Variants in FRMPD4 observed in about 807,000 individuals in gnomAD.
FRMPD4 encodes the protein FERM and PDZ domain-containing protein 4.
A neutral mutation model predicts 94.1 loss-of-function variants in FRMPD4; 22 were observed. That is an observed-to-expected ratio of 0.23 (90% CI 0.17 to 0.33). The LOEUF is 0.33. Among genes scored for constraint, FRMPD4 ranks in the 10% least tolerant of loss-of-function variants. The pLI is 1.00. For missense variants in FRMPD4, 1,111 were observed against 1,339.9 expected, an observed-to-expected ratio of 0.83 and a Z score of 2.67; for synonymous variants, 631 against 548.6, an observed-to-expected ratio of 1.15 and a Z score of -2.10.
intron 4 of FRMPD4, among the ~76,000 whole-genome samples, chrX:12,648,903 T>A (rs1043978380): frequency 8.9e-6 from 1 of 112,172 alleles, no homozygotes; most frequent in African/African-American, 3.2e-5. Flanking sequence ...CATTTCCTCA[T>A]GTAAAAAGTG....
At chrX:12,304,639 C>T (rs138157332) in intron 1 of FRMPD4, among the ~76,000 whole-genome samples, 2,400 of 107,546 alleles carry the variant, frequency 0.022, 62 homozygotes, top group African/African-American at 0.077. Flanking sequence ...TCCTTATCAA[C>T]AGAGAAAGAG....
chrX:11,852,442 CAAAAAAAAA>C (rs374590200), intron 1 of FRMPD4, among the ~76,000 whole-genome samples: 2 of 52,629 alleles, frequency 3.8e-5, no homozygotes, highest in African/African-American at 1.3e-4. Context: ...ACCCTGTCTC[CAAAAAAAAA>C]AAAAAAAAAA....
At chrX:12,039,025 G>A (rs1395663713) in intron 3 of FRMPD4, among the ~76,000 whole-genome samples, 1 of 108,181 alleles carries the variant, frequency 9.2e-6, no homozygotes, top group African/African-American at 3.4e-5. Context: ...CTCCTAGGCT[G>A]CAGTGCAGTG....
intron 1 of FRMPD4, among the ~76,000 whole-genome samples, chrX:12,416,720 T>G (rs2056805783): frequency 8.9e-6 from 1 of 111,857 alleles, no homozygotes; most frequent in Admixed American, 9.5e-5. Flanking sequence ...GAGAGCTGAT[T>G]TGTTTCCCTT....
At chrX:12,458,014 T>A (rs2057352000) in intron 1 of FRMPD4, among the ~76,000 whole-genome samples, 1 of 111,722 alleles carries the variant, frequency 9.0e-6, no homozygotes, top group South Asian at 3.8e-4. Flanking sequence ...GCCTAGACAA[T>A]TTGTACAATG....
At chrX:12,359,597 G>A (rs970924411) in intron 1 of FRMPD4, among the ~76,000 whole-genome samples, 7 of 109,457 alleles carry the variant, frequency 6.4e-5, no homozygotes, top group Non-Finnish European at 1.3e-4. Flanking sequence ...CCTCCCGAGT[G>A]TAGCTGGGAT....
At chrX:12,496,841 G>A (rs1414580374) in intron 1 of FRMPD4, among the ~76,000 whole-genome samples, 2 of 111,595 alleles carry the variant, frequency 1.8e-5, no homozygotes, top group African/African-American at 6.5e-5. Context: ...TTCCAGTATT[G>A]GCACTTCATT....
intron 2 of FRMPD4, among the ~76,000 whole-genome samples, chrX:12,601,299 G>C (rs1295048707): frequency 3.6e-5 from 4 of 111,958 alleles, no homozygotes; most frequent in Non-Finnish European, 5.6e-5. Context: ...AAGGCAAAAA[G>C]CATGCAATTC....
chrX:11,867,789 A>G (rs747791372), intron 2 of FRMPD4, among the ~76,000 whole-genome samples: 3 of 110,843 alleles, frequency 2.7e-5, no homozygotes, highest in Non-Finnish European at 5.7e-5. Flanking sequence ...CTCATCTCAC[A>G]CCAGTCTTGT....
intron 1 of FRMPD4, among the ~76,000 whole-genome samples, chrX:12,155,054 G>T (rs1163601615): frequency 8.9e-6 from 1 of 112,056 alleles, no homozygotes; most frequent in African/African-American, 3.2e-5. Context: ...TGCTCAAAGT[G>T]GGTCACATGG....
chrX:12,574,343 T>C (rs1056588822), intron 2 of FRMPD4, among the ~76,000 whole-genome samples: 1 of 112,087 alleles, frequency 8.9e-6, no homozygotes, highest in African/African-American at 3.3e-5. Context: ...TAAAATTTTT[T>C]CTCAGTTTTA....
intron 1 of FRMPD4, among the ~76,000 whole-genome samples, chrX:11,848,072 A>C (rs368558113): frequency 1.8e-5 from 2 of 110,763 alleles, no homozygotes; most frequent in Non-Finnish European, 3.8e-5. Context: ...AAAAAGAAAA[A>C]TAATATGATT....
chrX:12,254,297 G>A (rs776774205), intron 1 of FRMPD4, among the ~76,000 whole-genome samples: 24 of 112,455 alleles, frequency 2.1e-4, no homozygotes, highest in Admixed American at 1.2e-3. Flanking sequence ...ACAGACTTGG[G>A]AATAAGACCA....
chrX:11,900,708 A>G (rs971296976), intron 3 of FRMPD4, among the ~76,000 whole-genome samples: 3 of 111,366 alleles, frequency 2.7e-5, no homozygotes, highest in Non-Finnish European at 3.8e-5. Context: ...GCTGCAGCCA[A>G]TGGTAGCCCT....
intron 4 of FRMPD4, among the ~76,000 whole-genome samples, chrX:12,625,208 CT>C (rs1268254483): frequency 3.6e-5 from 4 of 111,403 alleles, no homozygotes; most frequent in Admixed American, 1.9e-4. Flanking sequence ...ATTAGTACAG[CT>C]ACTAGGGAAC....
rs1207066657 is a variant in FRMPD4 at position 12,721,569 on chromosome X, C to T, written c.5000C>T (p.Pro1667Leu). 2 of 752,390 alleles carry T rather than the reference C, an allele frequency of 2.7e-6. No homozygotes were observed. Among genetic ancestry groups the T allele is most frequent in the African/African-American group, 2.3e-5 (1 of 43,109 alleles). 62.0% of individuals were successfully genotyped at this position (752,390 alleles called of 1,213,427 possible). The change falls in exon 17 of 17, where the codon CCG (proline) becomes CTG (leucine). Residue 1667 changes from proline (P) to leucine (L), a missense_variant. This residue lies in a region of FRMPD4 where 551 missense variants were observed against 591.6 expected (regional missense o/e 0.93). Coordinates refer to ENST00000675598, the MANE Select transcript of FRMPD4 (RefSeq NM_001368397.1). ...AAAATGGCGATGGCTGAGAAAAGCC[C>T]GGAGGAGATGCTCCTAGCTATGACT... ...CRKMAMAEKSPEEMLLAMTSS... is the reference protein window; with the variant it reads ...CRKMAMAEKSLEEMLLAMTSS...
rs1456519813 is a variant in FRMPD4 at position 12,704,468 on chromosome X, G to T, written c.1180G>T (p.Val394Leu). 2 of 1,175,055 alleles carry T rather than the reference G, an allele frequency of 1.7e-6. No homozygotes were observed. The highest frequency in any genetic ancestry group is 2.4e-5 in the Admixed American group (1 of 41,708). The change falls in exon 11 of 17, where the codon GTA becomes TTA. Residue 394 changes from valine to leucine, a missense_variant. This residue lies in a region of FRMPD4 where 111 missense variants were observed against 160.7 expected (regional missense o/e 0.69). Transcript: ENST00000675598. Reference protein sequence around the residue: ...SHLVKANQNLVPPGKKLSALQ... With the variant: ...SHLVKANQNLLPPGKKLSALQ... ...CCTTGTCAAAGCAAATCAAAACTTG[G>T]TACCACCGGGTAAAAAGGTATCACA... is the stretch of plus-strand genomic sequence containing the variant.
At chrX:12,478,432 C>T (rs756884068) in intron 1 of FRMPD4, among the ~76,000 whole-genome samples, 1 of 111,694 alleles carries the variant, frequency 9.0e-6, no homozygotes, top group Admixed American at 9.5e-5. Context: ...AATAAATTAG[C>T]TAGGCGCATG....
At chrX:12,620,748 T>TA (rs2148432961) in intron 4 of FRMPD4, among the ~76,000 whole-genome samples, 1 of 112,569 alleles carries the variant, frequency 8.9e-6, no homozygotes, top group African/African-American at 3.2e-5. Flanking sequence ...AGAAGGTCTT[T>TA]ACCTGCTGAA....
Sources: allele counts gnomAD v4.1 joint callset (sites outside exome capture counted in the v4.1 genomes callset), GRCh38; gene constraint gnomAD v4.1.1; regional missense constraint gnomAD v4.1.1; transcripts MANE v1.5; gene names NCBI Gene and HGNC (gene_info 2026-07-23, HGNC 2026-07-21).